RHBDD1: variants seen among roughly 807,000 people sequenced by gnomAD.
RHBDD1 encodes the protein rhomboid domain containing 1, also known as rhomboid-related protein 4.
In RHBDD1, 38 loss-of-function variants were observed where a neutral mutation model predicts 36.3. The observed-to-expected ratio is 1.05, with a 90% CI of 0.81 to 1.37. The LOEUF (loss-of-function observed/expected upper bound fraction) is 1.37. Ranked by LOEUF, RHBDD1 falls within the 40% of genes most tolerant of loss-of-function variation. RHBDD1 has a pLI of 0.00. For synonymous variants in RHBDD1, 151 were observed against 136.5 expected (o/e 1.11, Z -0.74); for missense variants, 393 against 377.6 (o/e 1.04, Z -0.34).
intron 5 of RHBDD1, among the ~76,000 whole-genome samples, chr2:226,889,197 T>C (rs1946482013): frequency 6.6e-6 from 1 of 152,228 alleles, no homozygotes; most frequent in Non-Finnish European, 1.5e-5. Flanking sequence ...ACTGACTTGT[T>C]CTGCTTATTC....
intron 8 of RHBDD1, among the ~76,000 whole-genome samples, chr2:226,992,944 T>G (rs1958591560): frequency 6.6e-6 from 1 of 152,196 alleles, no homozygotes; most frequent in African/African-American, 2.4e-5. Flanking sequence ...GAAAGCTAAG[T>G]GGAGAAGTGT....
chr2:226,972,319 A>C (rs1445338077), intron 8 of RHBDD1, among the ~76,000 whole-genome samples: 1 of 152,110 alleles, frequency 6.6e-6, no homozygotes, highest in African/African-American at 2.4e-5. Context: ...TTCTTTATCC[A>C]GTCAATCATT....
At chr2:226,857,550 A>T (rs1273009216) in intron 3 of RHBDD1, among the ~76,000 whole-genome samples, 4 of 152,228 alleles carry the variant, frequency 2.6e-5, no homozygotes, top group African/African-American at 9.6e-5. Flanking sequence ...TGATGAATGG[A>T]TGAATAAAAT....
At chr2:226,982,640 A>G (rs774769018) in intron 8 of RHBDD1, among the ~76,000 whole-genome samples, 9 of 152,242 alleles carry the variant, frequency 5.9e-5, no homozygotes, top group Admixed American at 1.3e-4. Flanking sequence ...GTTCCAAAGT[A>G]TATGAGTTTG....
chr2:226,924,414 G>A (rs148197926), intron 8 of RHBDD1, among the ~76,000 whole-genome samples: 11 of 152,268 alleles, frequency 7.2e-5, no homozygotes, highest in African/African-American at 2.2e-4. Context: ...TTACTCTTCC[G>A]TTTTCTCTCC....
intron 5 of RHBDD1, among the ~76,000 whole-genome samples, chr2:226,893,100 A>G (rs886517310): frequency 9.2e-5 from 14 of 152,122 alleles, no homozygotes; most frequent in African/African-American, 9.7e-5. Flanking sequence ...TTTCTTCTTC[A>G]TGTGTCTGTA....
At position 226,895,724 on chromosome 2, in the gene RHBDD1, T is replaced by A. The variant is rs965896626; in HGVS notation, c.567-11069T>A. On this transcript the variant is annotated intron_variant, in intron 5 of 8. Transcript: ENST00000392062. Reference sequence around the variant, plus strand: ...CTTAGTAATACTGCAAAGCTAATGATTATGACTTTCATCCAGAGCACTATT... The same window carrying A: ...CTTAGTAATACTGCAAAGCTAATGAATATGACTTTCATCCAGAGCACTATT... 9 of 985,118 alleles carry A rather than the reference T, an allele frequency of 9.1e-6. No individual in the cohort carries two copies. In the Admixed American group the frequency reaches 1.8e-4, roughly 20 times the overall value. 61.0% of individuals were successfully genotyped at this position (985,118 alleles called of 1,614,324 possible). A position where few individuals can be genotyped will look rare whatever the true frequency, so the allele number is the denominator to read the frequency against.
At chr2:226,935,084 G>T (rs954111963) in intron 8 of RHBDD1, 5 of 151,992 alleles carry the variant, frequency 3.3e-5, no homozygotes, top group South Asian at 2.1e-4. Context: ...AAGCAGAATT[G>T]TCACCCCCAG....
intron 6 of RHBDD1, 26 bp downstream of exon 6, chr2:226,906,907 GACA>G (rs766497309): frequency 6.2e-7 from 1 of 1,609,532 alleles, no homozygotes; most frequent in Non-Finnish European, 8.5e-7. Flanking sequence ...CCTTTGGCAT[GACA>G]ACAGCTTGGA....
intron 3 of RHBDD1, among the ~76,000 whole-genome samples, chr2:226,859,370 G>T (rs1393878983): frequency 1.3e-5 from 2 of 152,140 alleles, no homozygotes; most frequent in African/African-American, 4.8e-5. Flanking sequence ...CATTGTATTA[G>T]ATATTATAAG....
At chr2:226,850,954 C>T (rs933833354) in intron 3 of RHBDD1, among the ~76,000 whole-genome samples, 1 of 151,880 alleles carries the variant, frequency 6.6e-6, no homozygotes, top group Non-Finnish European at 1.5e-5. Context: ...CCTTAGTCAC[C>T]CTAGGGGGTT....
intron 5 of RHBDD1, among the ~76,000 whole-genome samples, chr2:226,871,545 T>A (rs1322790760): frequency 2.0e-5 from 3 of 152,220 alleles, no homozygotes; most frequent in Non-Finnish European, 4.4e-5. Context: ...ATTGTATTTA[T>A]TTATTCTTGT....
At chr2:226,856,638 G>A (rs1443691015) in intron 3 of RHBDD1, among the ~76,000 whole-genome samples, 1 of 152,132 alleles carries the variant, frequency 6.6e-6, no homozygotes. Flanking sequence ...CTCCAGTTCA[G>A]TTTATTCCTA....
At chr2:226,823,757 C>A in the RHBDD1 span, among the ~76,000 whole-genome samples, 1 of 152,152 alleles carries the variant, frequency 6.6e-6, no homozygotes, top group Non-Finnish European at 1.5e-5. Context: ...ATTTATTTGA[C>A]TCATGGTTCT....
Position 226,923,748 on chromosome 2 carries a change from C to T in RHBDD1, c.856+9397C>T, listed in dbSNP as rs138236110. ...TGTGTGTTTTCAAATAGCCTGTCTT[C>T]AGGGTCATTAATTCTTTCTTCTGCT... is the stretch of plus-strand genomic sequence containing the variant. On this transcript the variant is annotated intron_variant, in intron 8 of 8. Coordinates refer to ENST00000392062, the MANE Select transcript of RHBDD1 (RefSeq NM_001167608.3). 5.6e-3 allele frequency among the ~76,000 whole-genome samples: 850 copies of T among 152,134 alleles called. 10 individuals carry two copies. The highest frequency in any genetic ancestry group is 0.02 in the African/African-American group (816 of 41,496).
At chr2:226,985,356 G>T (rs1247291955) in intron 8 of RHBDD1, among the ~76,000 whole-genome samples, 6 of 152,178 alleles carry the variant, frequency 3.9e-5, no homozygotes, top group East Asian at 1.9e-4. Flanking sequence ...TGGGTTTCGG[G>T]CCATCTAGAC....
intron 5 of RHBDD1, among the ~76,000 whole-genome samples, chr2:226,891,929 G>A (rs970280464): frequency 6.6e-6 from 1 of 152,220 alleles, no homozygotes; most frequent in Non-Finnish European, 1.5e-5. Flanking sequence ...TGATTGGCCA[G>A]TGCAGGTCGC....
At position 226,864,921 on chromosome 2, in the gene RHBDD1, T is replaced by C. The variant is rs1944200725; in HGVS notation, c.228T>C (p.Ala76=). 1 of 1,614,116 alleles carries C rather than the reference T, an allele frequency of 6.2e-7. No homozygotes were observed. The highest frequency in any genetic ancestry group is 8.5e-7 in the Non-Finnish European group (1 of 1,180,038). The change falls in exon 4 of 9, where the codon GCT becomes GCC. Residue 76 remains alanine, a synonymous_variant. Transcript: ENST00000392062. ...QRLLLSPLHH[A]DDWHLYFNMA... ...TACTGCTCTCTCCCCTTCACCATGC[T>C]GATGATTGGCATTTGTATTTCAATA...
chr2:226,830,605 C>T (rs1030739244), upstream of RHBDD1, among the ~76,000 whole-genome samples: 3 of 152,162 alleles, frequency 2.0e-5, no homozygotes, highest in African/African-American at 2.4e-5. Flanking sequence ...CTTGGGCTCA[C>T]GTGATCCTCC....
Sources: allele counts gnomAD v4.1 joint callset (sites outside exome capture counted in the v4.1 genomes callset), GRCh38; gene constraint gnomAD v4.1.1; transcripts MANE v1.5; gene names NCBI Gene and HGNC (gene_info 2026-07-23, HGNC 2026-07-21).